PTPRD: variants seen among roughly 807,000 people sequenced by gnomAD.
PTPRD encodes the protein protein tyrosine phosphatase receptor type D, also known as receptor-type tyrosine-protein phosphatase delta.
A neutral mutation model predicts 214.5 loss-of-function variants in PTPRD; 34 were observed. That is an observed-to-expected ratio of 0.16 (90% confidence interval 0.12 to 0.21). The LOEUF is 0.21. PTPRD is among the 10% of genes least tolerant of loss of function. The pLI, the probability that PTPRD is intolerant of heterozygous loss-of-function variation, is 1.00. For synonymous variants in PTPRD, 1,128 were observed against 845.7 expected (o/e 1.33, Z -5.79); for missense variants, 2,545 against 2,398.7 (o/e 1.06, Z -1.27).
At chr9:8,828,372 C>A (rs952552838) in intron 11 of PTPRD, among the ~76,000 whole-genome samples, 1 of 152,152 alleles carries the variant, frequency 6.6e-6, no homozygotes, top group Non-Finnish European at 1.5e-5. Flanking sequence ...AGAAACATCA[C>A]AGAAATGACT....
intron 5 of PTPRD, among the ~76,000 whole-genome samples, chr9:9,921,189 G>T (rs2082435483): frequency 6.6e-6 from 1 of 151,954 alleles, no homozygotes; most frequent in African/African-American, 2.4e-5. Flanking sequence ...CTTGATGTCT[G>T]TTCATTATTA....
chr9:9,990,827 A>C, intron 4 of PTPRD, among the ~76,000 whole-genome samples: 1 of 152,148 alleles, frequency 6.6e-6, no homozygotes, highest in Non-Finnish European at 1.5e-5. Flanking sequence ...TCACCACATT[A>C]GATACTGTCC....
chr9:10,338,046 G>A (rs1393421164), intron 3 of PTPRD, among the ~76,000 whole-genome samples: 1 of 151,628 alleles, frequency 6.6e-6, no homozygotes, highest in Non-Finnish European at 1.5e-5. Flanking sequence ...AAAGAGTCAT[G>A]AAGTAAGTTT....
chr9:9,199,849 T>C (rs1283473115), intron 9 of PTPRD, among the ~76,000 whole-genome samples: 2 of 152,308 alleles, frequency 1.3e-5, no homozygotes, highest in East Asian at 1.9e-4. Flanking sequence ...CAAAAAAGTA[T>C]GGCCCTGCTG....
chr9:10,421,691 C>T (rs1345463334), intron 2 of PTPRD, among the ~76,000 whole-genome samples: 8 of 151,872 alleles, frequency 5.3e-5, no homozygotes, highest in Admixed American at 5.3e-4. Context: ...TCTAAATGTA[C>T]ATTCTACCTA....
intron 3 of PTPRD, among the ~76,000 whole-genome samples, chr9:10,142,586 C>A (rs572967219): frequency 6.6e-6 from 1 of 151,414 alleles, no homozygotes; most frequent in East Asian, 1.9e-4. Context: ...TACCATTTCA[C>A]ACCAGTTAGA....
chr9:9,460,935 G>A (rs905026382), intron 8 of PTPRD, among the ~76,000 whole-genome samples: 8 of 152,012 alleles, frequency 5.3e-5, no homozygotes, highest in Non-Finnish European at 8.8e-5. Flanking sequence ...GTGTCCGTCA[G>A]TGGTTGACTG....
At chr9:9,827,914 C>A (rs1318165823) in intron 5 of PTPRD, among the ~76,000 whole-genome samples, 1 of 152,150 alleles carries the variant, frequency 6.6e-6, no homozygotes, top group African/African-American at 2.4e-5. Flanking sequence ...TGCTCATCAT[C>A]ACTGGCCATC....
intron 7 of PTPRD, among the ~76,000 whole-genome samples, chr9:9,623,345 T>C (rs961293188): frequency 1.3e-5 from 2 of 152,188 alleles, no homozygotes; most frequent in Non-Finnish European, 2.9e-5. Context: ...ATCACTTTAC[T>C]AACATCTACA....
At chr9:9,977,963 T>A (rs1566883042) in intron 4 of PTPRD, among the ~76,000 whole-genome samples, 1 of 152,000 alleles carries the variant, frequency 6.6e-6, no homozygotes, top group African/African-American at 2.4e-5. Context: ...TGCTTTCATC[T>A]AGCACATGGA....
In PTPRD at chr9:8,702,849, C is replaced by T. The variant is rs185956279; in HGVS notation, c.64+30931G>A. ...GTCTCAAACTCCTGATCTTGTGATT[C>T]GCCCGCCTCGGCCTCCCAAAGTGCT... On this transcript the variant is annotated intron_variant, in intron 12 of 45. Coordinates refer to ENST00000381196, the MANE Select transcript of PTPRD (RefSeq NM_002839.4). 7.3e-3 allele frequency among the ~76,000 whole-genome samples: 1,114 copies of T among 152,310 alleles called. 9 individuals are homozygous for T. Among genetic ancestry groups the T allele is most frequent in the South Asian group, 0.023 (112 of 4,824 alleles).
intron 35 of PTPRD, among the ~76,000 whole-genome samples, chr9:8,415,177 C>T (rs1375369695): frequency 6.6e-6 from 1 of 152,128 alleles, no homozygotes; most frequent in Non-Finnish European, 1.5e-5. Flanking sequence ...CCTTGTTCAC[C>T]TTAACTATGG....
At chr9:10,248,755 G>C (rs995700522) in intron 3 of PTPRD, among the ~76,000 whole-genome samples, 1 of 152,058 alleles carries the variant, frequency 6.6e-6, no homozygotes, top group African/African-American at 2.4e-5. Context: ...CTCTCATGAG[G>C]TGAGAAATTG....
intron 2 of PTPRD, among the ~76,000 whole-genome samples, chr9:10,458,332 A>G (rs1423597552): frequency 1.3e-5 from 2 of 152,166 alleles, no homozygotes; most frequent in East Asian, 3.8e-4. Context: ...CATCCCATCA[A>G]AAGAGTATAT....
At chr9:8,919,025 T>G (rs2098806643) in intron 11 of PTPRD, among the ~76,000 whole-genome samples, 1 of 152,150 alleles carries the variant, frequency 6.6e-6, no homozygotes, top group African/African-American at 2.4e-5. Context: ...AAACCCACAG[T>G]GGATGTATGC....
intron 7 of PTPRD, among the ~76,000 whole-genome samples, chr9:9,588,108 C>T (rs1049663069): frequency 7.9e-5 from 12 of 151,730 alleles, no homozygotes; most frequent in African/African-American, 2.7e-4. Flanking sequence ...TCATCTGTAC[C>T]CCTAAATATA....
intron 10 of PTPRD, among the ~76,000 whole-genome samples, chr9:9,098,374 A>G (rs1207165366): frequency 1.3e-5 from 2 of 152,052 alleles, no homozygotes; most frequent in South Asian, 4.1e-4. Context: ...CTCCTGCCTC[A>G]GCCTTCCAAG....
chr9:9,385,472 T>C (rs2063586159), intron 9 of PTPRD, among the ~76,000 whole-genome samples: 1 of 152,162 alleles, frequency 6.6e-6, no homozygotes, highest in Non-Finnish European at 1.5e-5. Flanking sequence ...AAGCCTAACC[T>C]GGGTCAGTAA....
intron 7 of PTPRD, among the ~76,000 whole-genome samples, chr9:9,600,637 G>T (rs2093678163): frequency 6.6e-6 from 1 of 152,032 alleles, no homozygotes; most frequent in Non-Finnish European, 1.5e-5. Context: ...CATGGAGCTG[G>T]CATCAACTGT....
Sources: gnomAD v4.1 joint callset for allele counts (sites outside exome capture counted in the v4.1 genomes callset) on GRCh38, gnomAD v4.1.1 for gene constraint, MANE v1.5 for transcripts, NCBI Gene and HGNC (gene_info 2026-07-23, HGNC 2026-07-21) for gene names.